Variants in ITGA9 observed in about 807,000 individuals in gnomAD.
ITGA9 encodes the protein integrin subunit alpha 9.
Under a neutral mutation model 127.8 loss-of-function variants are expected in ITGA9, and 56 were observed. That is an observed-to-expected ratio of 0.44 (90% CI 0.35 to 0.55). ITGA9 has a LOEUF of 0.55. Ranked by LOEUF, ITGA9 falls within the 20% of genes least tolerant of loss-of-function variation. The pLI is 0.00. For synonymous variants in ITGA9, 508 were observed against 514.5 expected (o/e 0.99, Z 0.17); for missense variants, 1,196 against 1,347.1 (o/e 0.89, Z 1.76).
chr3:37,609,372 C>T (rs528834018), intron 15 of ITGA9, among the ~76,000 whole-genome samples: 1 of 152,324 alleles, frequency 6.6e-6, no homozygotes, highest in African/African-American at 2.4e-5. Context: ...TGACGCAAGA[C>T]AGTATCTTAT....
chr3:37,600,601 G>A (rs921801613), intron 15 of ITGA9, among the ~76,000 whole-genome samples: 1 of 152,196 alleles, frequency 6.6e-6, no homozygotes, highest in African/African-American at 2.4e-5. Flanking sequence ...TCAGCATTGA[G>A]ATATGACACT....
intron 1 of ITGA9, among the ~76,000 whole-genome samples, chr3:37,469,847 G>A (rs754030979): frequency 3.3e-5 from 5 of 152,244 alleles, no homozygotes; most frequent in Middle Eastern, 3.4e-3. Flanking sequence ...CCAGACTGGA[G>A]TGCAGTGGCA....
rs774927213 is a variant in ITGA9, at chr3:37,684,031, C to A, written c.2067+16C>A. The A allele has an allele frequency of 6.2e-7, 1 of 1,610,618 alleles. No homozygotes were observed. The highest frequency in any genetic ancestry group is 1.1e-5 in the South Asian group (1 of 90,978). On this transcript the variant is annotated intron_variant, in intron 18 of 27. Transcript: ENST00000264741. ...GTGGCAGAAGGTAAGGAGGGCATCC[C>A]TGTAAAAAGAGCAGTTGTTCCATCT...
rs1481512018 is a variant in ITGA9, at chr3:37,791,630, A to G, written c.2889+6552A>G. Among the ~76,000 whole-genome samples, 3 of 152,100 alleles carry G rather than the reference A, an allele frequency of 2.0e-5. No individual in the cohort carries two copies. In the East Asian group the frequency reaches 5.8e-4, roughly 29 times the overall value. ...AGGCAGAAACCTTTCTACTTTCTGG[A>G]GTTGCTGAGAAGGTTCAGTGATACC... On this transcript the variant is annotated intron_variant, in intron 26 of 27. Transcript: ENST00000264741.
chr3:37,452,618 G>C lies in ITGA9; in HGVS notation c.185+59G>C, dbSNP rs1459027232. 1.5e-6 allele frequency: 2 copies of C among 1,365,146 alleles called. No individual in the cohort carries two copies. The highest frequency in any genetic ancestry group is 3.1e-5 in the African/African-American group (2 of 64,444). The allele number at this position is 1,365,146 out of a possible 1,614,324, so 84.6% of individuals were successfully genotyped here. ...GCGCGGCCACCGCCCCGGCCCCCAG[G>C]CCAGCGCCGCCGCCGCCTTTCCGGT... On this transcript the variant is annotated intron_variant, in intron 1 of 27. Coordinates refer to ENST00000264741, the MANE Select transcript of ITGA9 (RefSeq NM_002207.3). This position sits in a 1 kb window ranked among gnomAD's most constrained non-coding sequence, Gnocchi z 7.3.
chr3:37,539,946 A>G (rs943790982), intron 14 of ITGA9, among the ~76,000 whole-genome samples: 6 of 152,126 alleles, frequency 3.9e-5, no homozygotes, highest in Non-Finnish European at 7.3e-5. Flanking sequence ...GTTCCCTGGC[A>G]CTCCTGGCTT....
chr3:37,809,117 ACT>A (rs1697335688), intron 27 of ITGA9, among the ~76,000 whole-genome samples: 1 of 129,170 alleles, frequency 7.7e-6, no homozygotes, highest in South Asian at 2.5e-4. Flanking sequence ...TGGCAGTCCC[ACT>A]CTGTCACTCA....
At chr3:37,480,132 A>C (rs2125558093) in intron 3 of ITGA9, among the ~76,000 whole-genome samples, 1 of 152,120 alleles carries the variant, frequency 6.6e-6, no homozygotes, top group East Asian at 1.9e-4. Flanking sequence ...CTGAGTAAGC[A>C]GCTCGGCTCT....
At chr3:37,469,126 G>T (rs1156311173) in intron 1 of ITGA9, among the ~76,000 whole-genome samples, 1 of 152,170 alleles carries the variant, frequency 6.6e-6, no homozygotes, top group Non-Finnish European at 1.5e-5. Context: ...CCCGTGTTCT[G>T]CACTCACACA....
chr3:37,724,168 T>A (rs1270691959), intron 18 of ITGA9, among the ~76,000 whole-genome samples: 1 of 152,162 alleles, frequency 6.6e-6, no homozygotes, highest in African/African-American at 2.4e-5. Flanking sequence ...CCCCTGGTGC[T>A]GTCTCTCTTG....
At chr3:37,589,630 T>G (rs920026130) in intron 15 of ITGA9, among the ~76,000 whole-genome samples, 1 of 151,738 alleles carries the variant, frequency 6.6e-6, no homozygotes, top group Non-Finnish European at 1.5e-5. Flanking sequence ...TTGAAGGAGG[T>G]AAGGGGAGAG....
At chr3:37,485,184 G>T (rs1698596708) in intron 4 of ITGA9, among the ~76,000 whole-genome samples, 1 of 152,154 alleles carries the variant, frequency 6.6e-6, no homozygotes, top group Non-Finnish European at 1.5e-5. Flanking sequence ...GGCTTGAGCT[G>T]CATCCAAGTG....
intron 17 of ITGA9, among the ~76,000 whole-genome samples, chr3:37,669,658 T>C (rs1031845534): frequency 2.7e-4 from 41 of 152,206 alleles, no homozygotes; most frequent in African/African-American, 9.7e-4. Flanking sequence ...AAACAGTTGC[T>C]CATTGGCTTT....
chr3:37,546,174 T>C (rs1699324446), intron 15 of ITGA9, among the ~76,000 whole-genome samples: 1 of 152,002 alleles, frequency 6.6e-6, no homozygotes, highest in African/African-American at 2.4e-5. Context: ...ACTGTAAAAA[T>C]AAATATATTG....
At chr3:37,500,811 G>A (rs1260497256) in intron 5 of ITGA9, among the ~76,000 whole-genome samples, 1 of 152,166 alleles carries the variant, frequency 6.6e-6, no homozygotes, top group Non-Finnish European at 1.5e-5. Flanking sequence ...CAAGGGACGG[G>A]GTGCAGGGGA....
chr3:37,715,201 A>C (rs1180145810), intron 18 of ITGA9, among the ~76,000 whole-genome samples: 1 of 152,202 alleles, frequency 6.6e-6, no homozygotes, highest in African/African-American at 2.4e-5. Context: ...GTGACAGAGC[A>C]AAGAAAACTC....
At chr3:37,547,081 T>G (rs549095508) in intron 15 of ITGA9, among the ~76,000 whole-genome samples, 1 of 152,318 alleles carries the variant, frequency 6.6e-6, no homozygotes, top group South Asian at 2.1e-4. Flanking sequence ...TGTCATTCCC[T>G]ACTGTGAGGA....
intron 15 of ITGA9, among the ~76,000 whole-genome samples, chr3:37,572,794 C>T (rs7617116): frequency 0.58 from 87,867 of 152,020 alleles, 25,902 homozygotes; most frequent in East Asian, 0.75. Flanking sequence ...AGGAAAATGG[C>T]ACAGTTCTAA....
In ITGA9 at chr3:37,512,014, T is replaced by TTTC. The variant is rs1491080746; in HGVS notation, c.898-1747_898-1746insCTT. ...TTTTCTTTTCTTTTCTTTTCTTTTC[T>TTTC]TTTCTTTTCTTTTCTTTCTTTCTTT... On this transcript the variant is annotated intron_variant, in intron 8 of 27. Coordinates refer to ENST00000264741, the MANE Select transcript of ITGA9 (RefSeq NM_002207.3). 3.1e-4 allele frequency among the ~76,000 whole-genome samples: 10 copies of TTTC among 31,928 alleles called. 1 individual carries two copies. The highest frequency in any genetic ancestry group is 1.4e-3 in the East Asian group (1 of 706). The allele number at this position is 31,928 out of a possible 152,430, so 20.9% of individuals were successfully genotyped here. A position where few individuals can be genotyped will look rare whatever the true frequency, so the allele number is the denominator to read the frequency against.
Sources: gnomAD v4.1 joint callset for allele counts (sites outside exome capture counted in the v4.1 genomes callset) on GRCh38, gnomAD v4.1.1 for gene constraint, Gnocchi (gnomAD v3.1) non-coding constraint, MANE v1.5 for transcripts, NCBI Gene and HGNC (gene_info 2026-07-23, HGNC 2026-07-21) for gene names.